ABR: variants seen among roughly 807,000 people sequenced by gnomAD.
ABR encodes ABR activator of RhoGEF and GTPase, also known as active breakpoint cluster region-related protein.
In ABR, 35 loss-of-function variants were observed where a neutral mutation model predicts 107.2. That is an observed-to-expected ratio of 0.33 (90% CI 0.25 to 0.43). ABR has a LOEUF of 0.43. Ranked by LOEUF, ABR falls within the 20% of genes least tolerant of loss-of-function variation. ABR has a pLI of 1.00. For synonymous variants in ABR, 498 were observed against 462.0 expected (o/e 1.08, Z -1.00); for missense variants, 815 against 1,115.2 (o/e 0.73, Z 3.83).
intron 3 of ABR, among the ~76,000 whole-genome samples, chr17:1,094,534 CTAGTTTTTG>C (rs921911592): frequency 5.3e-5 from 8 of 152,180 alleles, no homozygotes; most frequent in East Asian, 1.9e-4. Context: ...CCCCGCCCAG[CTAGTTTTTG>C]TAGTTTTTGT....
intron 10 of ABR, among the ~76,000 whole-genome samples, chr17:1,062,223 C>G (rs1398100876): frequency 5.9e-5 from 9 of 151,606 alleles, no homozygotes; most frequent in South Asian, 4.2e-4. Flanking sequence ...TATGCATGTT[C>G]CTCTAGACGC....
intron 1 of ABR, among the ~76,000 whole-genome samples, chr17:1,127,326 G>T (rs934297886): frequency 6.6e-6 from 1 of 152,254 alleles, no homozygotes; most frequent in African/African-American, 2.4e-5. Context: ...TACCTGGGCA[G>T]GACCCAGGAT....
chr17:1,193,672 A>G (rs1357545478), intron 1 of ABR, among the ~76,000 whole-genome samples: 14 of 152,118 alleles, frequency 9.2e-5, no homozygotes, highest in Admixed American at 9.2e-4. Context: ...ACATCAGTGC[A>G]GCCCTTTTTG....
In ABR at chr17:1,150,486, C is replaced by G. The variant is rs1049867653; in HGVS notation, c.62-25119G>C. ...GAGGGTGGTGGCCAGGAGCTGCAAG[C>G]AGCGGCACACGTGTGGGCAATACAC... is the stretch of plus-strand genomic sequence containing the variant. On this transcript the variant is annotated intron_variant, in intron 1 of 22. Transcript: ENST00000302538. The surrounding 1 kb of genome is among the most constrained non-coding windows in gnomAD (Gnocchi z 4.8). Among the ~76,000 whole-genome samples, 8 of 152,182 alleles carry G rather than the reference C, an allele frequency of 5.3e-5. No homozygotes were observed. The highest frequency in any genetic ancestry group is 2.9e-5 in the Non-Finnish European group (2 of 68,022).
Position 1,005,912 on chromosome 17 carries a change from G to T in ABR, c.*168C>A. The T allele has an allele frequency of 2.9e-6, 2 of 679,720 alleles. No homozygotes were observed. Among genetic ancestry groups the T allele is most frequent in the South Asian group, 1.8e-5 (1 of 56,778 alleles). 42.1% of individuals were successfully genotyped at this position (679,720 alleles called of 1,614,324 possible). A position where few individuals can be genotyped will look rare whatever the true frequency, so the allele number is the denominator to read the frequency against. On this transcript the variant is annotated 3_prime_UTR_variant, in exon 23 of 23. Coordinates refer to ENST00000302538, the MANE Select transcript of ABR (RefSeq NM_021962.5). Reference sequence around the variant, plus strand: ...AGGCTGGGGCTGGGCAGCCGGCTTTGTACAAGGTGGCACAAAAGACGTACG... The same window carrying T: ...AGGCTGGGGCTGGGCAGCCGGCTTTTTACAAGGTGGCACAAAAGACGTACG...
At position 1,031,525 on chromosome 17, in the gene ABR, G is replaced by GC. The variant is rs1257074420; in HGVS notation, c.1792-18362dup. ...GAGCGGGACCCCATCAGCCCCCGCAGCCCCCGCAGCCCCCCGAGCCCCGCA... is the reference window on the plus strand; with the variant it reads ...GAGCGGGACCCCATCAGCCCCCGCAGCCCCCCGCAGCCCCCCGAGCCCCGCA... On this transcript the variant is annotated intron_variant, in intron 16 of 22. Transcript: ENST00000302538. The GC allele has an allele frequency of 9.5e-3, 2,697 of 282,888 alleles. 94 individuals carry two copies. Among genetic ancestry groups the GC allele is most frequent in the African/African-American group, 0.059 (2,398 of 40,906 alleles). 17.5% of individuals were successfully genotyped at this position (282,888 alleles called of 1,614,324 possible).
chr17:1,203,253 G>T (rs369626665), intron 1 of ABR, among the ~76,000 whole-genome samples: 1 of 151,956 alleles, frequency 6.6e-6, no homozygotes, highest in Non-Finnish European at 1.5e-5. Context: ...TCCTTGGAAG[G>T]GGCTTCGGAT....
rs570125005 is a variant in ABR, at chr17:1,176,604, G to A, written c.61+3063C>T. Reference sequence around the variant, plus strand: ...CTCACGCCAGTAATCCCAGCACTTTGGGAGGCCAAGGTGGGAAGATCACCT... The same window carrying A: ...CTCACGCCAGTAATCCCAGCACTTTAGGAGGCCAAGGTGGGAAGATCACCT... On this transcript the variant is annotated intron_variant, in intron 1 of 22. Coordinates refer to ENST00000302538, the MANE Select transcript of ABR (RefSeq NM_021962.5). 3.9e-5 allele frequency among the ~76,000 whole-genome samples: 6 copies of A among 152,312 alleles called. No individual in the cohort carries two copies. The South Asian group carries it at 1.2e-3, about 32-fold the overall frequency.
chr17:1,196,386 C>T (rs1393178508), intron 1 of ABR, among the ~76,000 whole-genome samples: 2 of 152,060 alleles, frequency 1.3e-5, no homozygotes, highest in African/African-American at 4.8e-5. Context: ...GCTGACATCA[C>T]ACCACTGCAC....
intron 16 of ABR, among the ~76,000 whole-genome samples, chr17:1,020,329 C>CGCCTCG (rs1375256891): frequency 6.6e-6 from 1 of 152,212 alleles, no homozygotes; most frequent in Non-Finnish European, 1.5e-5. Flanking sequence ...GTGATCCACC[C>CGCCTCG]GCCTCGGCCT....
intron 9 of ABR, among the ~76,000 whole-genome samples, 197 bp from the exon 10 acceptor site, chr17:1,067,439 C>T (rs575357632): frequency 1.3e-5 from 2 of 152,346 alleles, no homozygotes; most frequent in East Asian, 1.9e-4. Flanking sequence ...GGGTCCGCCC[C>T]GCCCGCAGGG....
intron 16 of ABR, among the ~76,000 whole-genome samples, chr17:1,025,590 G>T (rs1054695030): frequency 2.0e-5 from 3 of 152,152 alleles, no homozygotes; most frequent in Admixed American, 6.5e-5. Flanking sequence ...GAGCACACCT[G>T]CCTCGGGGTG....
intron 1 of ABR, among the ~76,000 whole-genome samples, chr17:1,142,232 G>A (rs2040314490): frequency 6.6e-6 from 1 of 152,132 alleles, no homozygotes; most frequent in Non-Finnish European, 1.5e-5. Flanking sequence ...GTATAGGAAG[G>A]CCAAGAGCCG....
intron 1 of ABR, among the ~76,000 whole-genome samples, chr17:1,204,807 T>C (rs2042755283): frequency 6.6e-6 from 1 of 152,126 alleles, no homozygotes; most frequent in Admixed American, 6.6e-5. Flanking sequence ...ATTTTTGTAT[T>C]TAGGTTTGTG....
At chr17:1,155,271 C>T (rs1194094126) in intron 1 of ABR, among the ~76,000 whole-genome samples, 1 of 152,158 alleles carries the variant, frequency 6.6e-6, no homozygotes, top group Non-Finnish European at 1.5e-5. Flanking sequence ...CTATGGTCGA[C>T]GGATTGTCAA....
At chr17:1,161,418 A>AT (rs10715754) in intron 1 of ABR, among the ~76,000 whole-genome samples, 13 of 151,438 alleles carry the variant, frequency 8.6e-5, no homozygotes, top group African/African-American at 1.9e-4. Context: ...ATTTTTTAAA[A>AT]TTTTTTTTGT....
chr17:1,160,720 C>A (rs1021507628), intron 1 of ABR, among the ~76,000 whole-genome samples: 20 of 152,316 alleles, frequency 1.3e-4, no homozygotes, highest in Admixed American at 4.6e-4. Flanking sequence ...CCAGGGCCAC[C>A]CCCGAGGAGC....
At chr17:1,049,584 C>G (rs913819897) in intron 16 of ABR, among the ~76,000 whole-genome samples, 5 of 152,068 alleles carry the variant, frequency 3.3e-5, no homozygotes, top group African/African-American at 1.2e-4. Flanking sequence ...AGTCAGAGAC[C>G]CCCCTCCCCC....
intron 7 of ABR, 38 bp from the exon 8 acceptor site, chr17:1,072,792 C>T: frequency 6.2e-7 from 1 of 1,601,098 alleles, no homozygotes; most frequent in Non-Finnish European, 8.5e-7. Flanking sequence ...GGGAGCGGCT[C>T]TGGGGCCTGA....
Sources: gnomAD v4.1 joint callset for allele counts (sites outside exome capture counted in the v4.1 genomes callset) on GRCh38, gnomAD v4.1.1 for gene constraint, Gnocchi (gnomAD v3.1) non-coding constraint, MANE v1.5 for transcripts, NCBI Gene and HGNC (gene_info 2026-07-23, HGNC 2026-07-21) for gene names.